SLC39A11: variants seen among roughly 807,000 people sequenced by gnomAD.
SLC39A11 encodes the protein zinc transporter ZIP11.
Under a neutral mutation model 36.1 loss-of-function variants are expected in SLC39A11, and 33 were observed. The ratio of observed to expected loss-of-function variants is 0.91; its 90% CI spans 0.69 to 1.22. The LOEUF (loss-of-function observed/expected upper bound fraction) is 1.22, where lower values mean the gene tolerates loss of function less well. Among genes scored for constraint, SLC39A11 ranks in the 50% most tolerant of loss-of-function variants. SLC39A11 has a pLI of 0.00. For missense variants in SLC39A11, 432 were observed against 430.3 expected (o/e 1.00, Z -0.03); for synonymous variants, 166 against 170.3 (o/e 0.97, Z 0.20).
At chr17:72,665,902 C>A (rs2070735357) in intron 7 of SLC39A11, among the ~76,000 whole-genome samples, 1 of 152,110 alleles carries the variant, frequency 6.6e-6, no homozygotes, top group Non-Finnish European at 1.5e-5. Context: ...TCTCCCACAC[C>A]TGACCTCACA....
intron 1 of SLC39A11, among the ~76,000 whole-genome samples, chr17:73,090,632 T>C (rs901649098): frequency 4.6e-5 from 7 of 152,186 alleles, no homozygotes; most frequent in African/African-American, 1.7e-4. Context: ...AAAAACACCT[T>C]TCTTTCCTGT....
intron 4 of SLC39A11, among the ~76,000 whole-genome samples, chr17:73,008,440 GC>G (rs1388306026): frequency 6.6e-6 from 1 of 152,204 alleles, no homozygotes; most frequent in African/African-American, 2.4e-5. Context: ...CGTGCCGACT[GC>G]CCAAGTGTCC....
At chr17:73,013,196 A>G (rs2148517954) in intron 4 of SLC39A11, among the ~76,000 whole-genome samples, 1 of 152,088 alleles carries the variant, frequency 6.6e-6, no homozygotes, top group Non-Finnish European at 1.5e-5. Flanking sequence ...GGTTCAAGGA[A>G]CCTGCCTCAG....
Position 72,938,549 on chromosome 17 carries a change from C to T in SLC39A11, c.430+9203G>A, listed in dbSNP as rs560288904. ...AAAGATCCCAAGCACTCAAAACCAA[C>T]GTGCCACCCTGTTGCATCCCCAGAA... On this transcript the variant is annotated intron_variant, in intron 5 of 9. Coordinates refer to ENST00000255559, the MANE Select transcript of SLC39A11 (RefSeq NM_139177.4). 1.4e-3 allele frequency among the ~76,000 whole-genome samples: 216 copies of T among 152,302 alleles called. 1 individual carries two copies. The highest frequency in any genetic ancestry group is 4.9e-3 in the African/African-American group (204 of 41,556).
chr17:72,749,225 G>T (rs570667230), intron 6 of SLC39A11, among the ~76,000 whole-genome samples: 1 of 152,264 alleles, frequency 6.6e-6, no homozygotes, highest in Non-Finnish European at 1.5e-5. Context: ...GGGGAGGGCT[G>T]CTATCTGTTG....
chr17:72,799,852 G>T (rs1412482906), intron 6 of SLC39A11, among the ~76,000 whole-genome samples: 1 of 151,750 alleles, frequency 6.6e-6, no homozygotes, highest in Non-Finnish European at 1.5e-5. Flanking sequence ...CCTTATCAGT[G>T]GTTCTGCTTT....
intron 4 of SLC39A11, among the ~76,000 whole-genome samples, chr17:73,005,865 C>T (rs1174800357): frequency 6.6e-6 from 1 of 152,246 alleles, no homozygotes; most frequent in South Asian, 2.1e-4. Flanking sequence ...GCAAGGGAAT[C>T]GCTTGAACCT....
At chr17:73,006,547 T>G (rs1421618408) in intron 4 of SLC39A11, among the ~76,000 whole-genome samples, 1 of 152,120 alleles carries the variant, frequency 6.6e-6, no homozygotes, top group African/African-American at 2.4e-5. Flanking sequence ...TCTGACCTTT[T>G]ACAGAAAAAG....
At chr17:72,808,615 G>C (rs1385442095) in intron 6 of SLC39A11, among the ~76,000 whole-genome samples, 1 of 152,294 alleles carries the variant, frequency 6.6e-6, no homozygotes, top group South Asian at 2.1e-4. Context: ...CTCAGGAGTC[G>C]TGTGGCCAGA....
chr17:72,676,383 T>G (rs1157790904), intron 7 of SLC39A11, among the ~76,000 whole-genome samples: 1 of 152,064 alleles, frequency 6.6e-6, no homozygotes, highest in Non-Finnish European at 1.5e-5. Flanking sequence ...GGAGAGAGGG[T>G]GGTTCCAAGA....
At chr17:72,872,453 C>T (rs994766317) in intron 5 of SLC39A11, among the ~76,000 whole-genome samples, 4 of 152,154 alleles carry the variant, frequency 2.6e-5, no homozygotes, top group African/African-American at 2.4e-5. Context: ...ACTGGTCTCT[C>T]GAAATAAGGA....
At chr17:73,007,586 A>G (rs376802967) in intron 4 of SLC39A11, among the ~76,000 whole-genome samples, 4 of 152,184 alleles carry the variant, frequency 2.6e-5, no homozygotes, top group African/African-American at 9.7e-5. Context: ...AGGCTCAAAA[A>G]GACAAACAGT....
intron 6 of SLC39A11, among the ~76,000 whole-genome samples, chr17:72,743,608 C>A (rs2074808633): frequency 6.6e-6 from 1 of 152,096 alleles, no homozygotes; most frequent in Non-Finnish European, 1.5e-5. Flanking sequence ...GTATCTGTTA[C>A]CGTGTCTGAA....
chr17:72,912,640 G>A (rs1410645740), intron 5 of SLC39A11, among the ~76,000 whole-genome samples: 2 of 152,020 alleles, frequency 1.3e-5, no homozygotes, highest in Non-Finnish European at 2.9e-5. Context: ...GGCAACTTCA[G>A]TAGGCTGACG....
chr17:73,027,737 G>A (rs1010093712), intron 4 of SLC39A11, among the ~76,000 whole-genome samples: 6 of 152,104 alleles, frequency 3.9e-5, no homozygotes, highest in Non-Finnish European at 7.4e-5. Flanking sequence ...TTCACGTCCC[G>A]AACACATATA....
At chr17:72,914,618 C>T (rs62069577) in intron 5 of SLC39A11, among the ~76,000 whole-genome samples, 21,647 of 152,044 alleles carry the variant, frequency 0.14, 1,863 homozygotes, top group Non-Finnish European at 0.2. Context: ...CAGTGGCTCA[C>T]GTCTGCATTC....
intron 1 of SLC39A11, among the ~76,000 whole-genome samples, chr17:73,091,030 A>C (rs2060906975): frequency 6.6e-6 from 1 of 152,194 alleles, no homozygotes; most frequent in Admixed American, 6.5e-5. Context: ...AGGAATGCAG[A>C]AACTCAGGTC....
rs71359751 is a variant in SLC39A11, at chr17:72,955,298, CTTTTTT to C, written c.307-7429_307-7424del. On this transcript the variant is annotated intron_variant, in intron 4 of 9. Transcript: ENST00000255559. ...GAATAGGCTTTAACTTTTCAGTTCT[CTTTTTT>C]TTTTTTTTTTTTTTGTTTGAGACTT... Among the ~76,000 whole-genome samples, 32 of 65,574 alleles carry C rather than the reference CTTTTTT, an allele frequency of 4.9e-4. 1 individual carries two copies. The highest frequency in any genetic ancestry group is 3.6e-3 in the Admixed American group (14 of 3,836). The allele number at this position is 65,574 out of a possible 152,430, so 43.0% of individuals were successfully genotyped here.
intron 4 of SLC39A11, among the ~76,000 whole-genome samples, chr17:72,977,659 A>G (rs562020412): frequency 6.6e-6 from 1 of 152,300 alleles, no homozygotes; most frequent in African/African-American, 2.4e-5. Flanking sequence ...GACTAGGGAC[A>G]TGTGGGAAAG....
Sources: allele counts gnomAD v4.1 joint callset (sites outside exome capture counted in the v4.1 genomes callset), GRCh38; gene constraint gnomAD v4.1.1; transcripts MANE v1.5; gene names NCBI Gene and HGNC (gene_info 2026-07-23, HGNC 2026-07-21).